The following CBFA2T2 variants were observed in gnomAD, a reference collection of about 807,000 sequenced individuals.
The protein encoded by CBFA2T2 is CBFA2/RUNX1 partner transcriptional co-repressor 2.
Under a neutral mutation model 62.2 loss-of-function variants are expected in CBFA2T2, and 11 were observed. The observed-to-expected ratio is 0.18, with a 90% CI of 0.11 to 0.29. CBFA2T2 has a LOEUF of 0.29. Ranked by LOEUF, CBFA2T2 falls within the 10% of genes least tolerant of loss-of-function variation. The probability of loss-of-function intolerance (pLI) is 1.00; values close to 1 mark genes in which losing one functional copy is unlikely to be tolerated. For synonymous variants in CBFA2T2, 295 were observed against 287.5 expected (o/e 1.03, Z -0.27); for missense variants, 592 against 774.1 (o/e 0.76, Z 2.79).
At chr20:33,590,555 A>G (rs986783855) in intron 1 of CBFA2T2, among the ~76,000 whole-genome samples, 3 of 152,164 alleles carry the variant, frequency 2.0e-5, no homozygotes, top group African/African-American at 7.2e-5. Flanking sequence ...AACTCTTACC[A>G]ACTGATGGTG....
intron 4 of CBFA2T2, among the ~76,000 whole-genome samples, chr20:33,620,705 G>A (rs557395943): frequency 1.3e-5 from 2 of 152,030 alleles, no homozygotes; most frequent in East Asian, 1.9e-4. Context: ...GCACATGCCT[G>A]TAGTCCCAGC....
chr20:33,539,732 G>T (rs1457683981), intron 1 of CBFA2T2, among the ~76,000 whole-genome samples: 2 of 151,144 alleles, frequency 1.3e-5, no homozygotes, highest in African/African-American at 2.4e-5. Flanking sequence ...TGTCACTCAG[G>T]CTGGAGTGCA....
At chr20:33,490,893 T>G (rs1456832412) in intron 1 of CBFA2T2, among the ~76,000 whole-genome samples, 1 of 152,204 alleles carries the variant, frequency 6.6e-6, no homozygotes, top group Non-Finnish European at 1.5e-5. Flanking sequence ...ACACCGACCG[T>G]GGCACACACA....
chr20:33,528,022 G>T (rs1003158810), intron 1 of CBFA2T2, among the ~76,000 whole-genome samples: 67 of 152,096 alleles, frequency 4.4e-4, no homozygotes, highest in African/African-American at 1.6e-3. Flanking sequence ...ACTATACCTG[G>T]CTGAAGTGTT....
intron 1 of CBFA2T2, among the ~76,000 whole-genome samples, chr20:33,525,625 T>A (rs1406554613): frequency 6.6e-6 from 1 of 152,198 alleles, no homozygotes; most frequent in Non-Finnish European, 1.5e-5. Flanking sequence ...TTACTGTCTA[T>A]TTTTCCTTTC....
chr20:33,517,283 G>A (rs536425758), intron 1 of CBFA2T2, among the ~76,000 whole-genome samples: 2 of 152,254 alleles, frequency 1.3e-5, no homozygotes, highest in Admixed American at 1.3e-4. Flanking sequence ...AGTCCTTTCT[G>A]TTATTCATGA....
At chr20:33,564,271 T>C (rs565154177) in intron 1 of CBFA2T2, among the ~76,000 whole-genome samples, 1 of 151,374 alleles carries the variant, frequency 6.6e-6, no homozygotes, top group Non-Finnish European at 1.5e-5. Flanking sequence ...CTTTCTTTTT[T>C]TTTTTTTTCC....
chr20:33,556,077 G>A (rs751864854), intron 1 of CBFA2T2, among the ~76,000 whole-genome samples: 7 of 152,110 alleles, frequency 4.6e-5, no homozygotes, highest in Non-Finnish European at 7.3e-5. Context: ...ACGTTGCTCC[G>A]GCTGGTCTCG....
At chr20:33,587,412 G>A (rs1010647328) in intron 1 of CBFA2T2, among the ~76,000 whole-genome samples, 5 of 151,784 alleles carry the variant, frequency 3.3e-5, no homozygotes, top group Non-Finnish European at 7.4e-5. Context: ...GACTACAGGC[G>A]CCTGCCACAA....
chr20:33,545,541 G>A (rs1600952491), intron 1 of CBFA2T2, among the ~76,000 whole-genome samples: 1 of 66 alleles, frequency 0.015, no homozygotes, highest in East Asian at 0.17. Flanking sequence ...CTCTGCCTCC[G>A]GGTTCAAGGA....
At chr20:33,530,963 G>A (rs2012043177) in intron 1 of CBFA2T2, among the ~76,000 whole-genome samples, 1 of 151,896 alleles carries the variant, frequency 6.6e-6, no homozygotes, top group South Asian at 2.1e-4. Context: ...GCCTGTAATC[G>A]CAGCTCCTGT....
chr20:33,558,827 G>GT (rs1555835159), intron 1 of CBFA2T2, among the ~76,000 whole-genome samples: 12 of 151,874 alleles, frequency 7.9e-5, no homozygotes, highest in African/African-American at 2.9e-4. Context: ...ACTGTTTGGG[G>GT]GGGCGGCGAT....
intron 1 of CBFA2T2, among the ~76,000 whole-genome samples, chr20:33,501,538 T>G (rs2011279416): frequency 6.6e-6 from 1 of 151,078 alleles, no homozygotes; most frequent in African/African-American, 2.4e-5. Context: ...AGCTCCTGCA[T>G]TCCCCAGCCA....
At chr20:33,588,594 G>T (rs936289919) in intron 1 of CBFA2T2, among the ~76,000 whole-genome samples, 1 of 151,998 alleles carries the variant, frequency 6.6e-6, no homozygotes, top group Non-Finnish European at 1.5e-5. Flanking sequence ...ATAATTAAGA[G>T]CAGTACACCC....
At position 33,553,412 on chromosome 20, in the gene CBFA2T2, A is replaced by C. The variant is rs191482480; in HGVS notation, c.35-53544A>C. Among the ~76,000 whole-genome samples the C allele has an allele frequency of 4.1e-4, 63 of 152,250 alleles. No homozygotes were observed. In the East Asian group the frequency reaches 7.7e-3, roughly 19 times the overall value. Reference sequence around the variant, plus strand: ...TGGCTAATTTTTTGTGTGTATTTTTAGTAGAGACATGGTTTCACCATATTG... The same window carrying C: ...TGGCTAATTTTTTGTGTGTATTTTTCGTAGAGACATGGTTTCACCATATTG... On this transcript the variant is annotated intron_variant, in intron 1 of 10. Coordinates refer to ENST00000342704, the MANE Select transcript of CBFA2T2 (RefSeq NM_001032999.3).
At chr20:33,586,392 C>A (rs2014372576) in intron 1 of CBFA2T2, among the ~76,000 whole-genome samples, 2 of 152,060 alleles carry the variant, frequency 1.3e-5, no homozygotes, top group Non-Finnish European at 2.9e-5. Flanking sequence ...CCTCAGCCTC[C>A]CAAAGTGCTG....
chr20:33,549,497 C>T (rs1032941337), intron 1 of CBFA2T2, among the ~76,000 whole-genome samples: 1 of 152,058 alleles, frequency 6.6e-6, no homozygotes, highest in Non-Finnish European at 1.5e-5. Context: ...AAAGAAGCCA[C>T]AAAAGATGAC....
intron 1 of CBFA2T2, among the ~76,000 whole-genome samples, chr20:33,578,143 A>T (rs2013916879): frequency 1.3e-5 from 2 of 152,180 alleles, no homozygotes; most frequent in South Asian, 2.1e-4. Flanking sequence ...TCAAAATATC[A>T]ATTGTTAATA....
Position 33,629,953 on chromosome 20 carries a change from A to G in CBFA2T2, c.1228+39A>G, listed in dbSNP as rs370150356. 18 of 1,520,604 alleles carry G rather than the reference A, an allele frequency of 1.2e-5. No individual in the cohort carries two copies. In the African/African-American group the frequency reaches 1.9e-4, roughly 16 times the overall value. 94.2% of individuals were successfully genotyped at this position (1,520,604 alleles called of 1,614,324 possible). A position where few individuals can be genotyped will look rare whatever the true frequency, so the allele number is the denominator to read the frequency against. Reference sequence around the variant, plus strand: ...CTACGGGAAACCCAAAATAAATGTCAGCCTTTAGAGCCCACCAATCTGTCA... The same window carrying G: ...CTACGGGAAACCCAAAATAAATGTCGGCCTTTAGAGCCCACCAATCTGTCA... On this transcript the variant is annotated intron_variant, in intron 8 of 10. Transcript: ENST00000342704.
Sources: allele counts gnomAD v4.1 joint callset (sites outside exome capture counted in the v4.1 genomes callset), GRCh38; gene constraint gnomAD v4.1.1; transcripts MANE v1.5; gene names NCBI Gene and HGNC (gene_info 2026-07-23, HGNC 2026-07-21).